The following FSD2 variants were observed in gnomAD, a reference collection of about 807,000 sequenced individuals.
FSD2 encodes the protein fibronectin type III and SPRY domain-containing protein 2.
In FSD2, 71 loss-of-function variants were observed where a neutral mutation model predicts 80.4. The ratio of observed to expected loss-of-function variants is 0.88; its 90% CI spans 0.73 to 1.08. FSD2 has a LOEUF of 1.08. FSD2 is among the 50% of genes least tolerant of loss of function. The pLI, the probability that FSD2 is intolerant of heterozygous loss-of-function variation, is 0.00. For missense variants in FSD2, 923 were observed against 913.8 expected, an observed-to-expected ratio of 1.01 and a Z score of -0.13; for synonymous variants, 361 against 329.5, an observed-to-expected ratio of 1.10 and a Z score of -1.03.
intron 1 of FSD2, among the ~76,000 whole-genome samples, chr15:82,795,692 C>A (rs554200384): frequency 6.6e-6 from 1 of 151,978 alleles, no homozygotes; most frequent in African/African-American, 2.4e-5. Context: ...ATTAGCCAGG[C>A]GTGGTGGCAC....
intron 1 of FSD2, among the ~76,000 whole-genome samples, chr15:82,795,994 T>C (rs1300306954): frequency 7.1e-6 from 1 of 140,884 alleles, no homozygotes; most frequent in Non-Finnish European, 1.5e-5. Context: ...CTTTTCTTTT[T>C]CTTTTCTTTT....
chr15:82,783,594 T>C (rs1256600873), intron 3 of FSD2, among the ~76,000 whole-genome samples: 1 of 152,198 alleles, frequency 6.6e-6, no homozygotes, highest in Non-Finnish European at 1.5e-5. Context: ...TGCAATCCAG[T>C]TCCAGTTTCA....
At position 82,757,273 on chromosome 15, in the gene FSD2, T is replaced by C. The variant is rs948890546; in HGVS notation, c.*2075A>G. ...ACGTGTAGTATTCCATAAAGCCTATTAGAACCCTGAATTCAAACTTGCCTT... is the reference window on the plus strand; with the variant it reads ...ACGTGTAGTATTCCATAAAGCCTATCAGAACCCTGAATTCAAACTTGCCTT... On this transcript the variant is annotated 3_prime_UTR_variant, in exon 13 of 13. Transcript: ENST00000334574. 3.3e-5 allele frequency: 5 copies of C among 152,154 alleles called. No homozygotes were observed. The highest frequency in any genetic ancestry group is 1.2e-4 in the African/African-American group (5 of 41,424). 9.4% of individuals were successfully genotyped at this position (152,154 alleles called of 1,614,324 possible).
intron 1 of FSD2, among the ~76,000 whole-genome samples, chr15:82,802,752 G>T (rs1441907021): frequency 1.3e-5 from 2 of 152,136 alleles, no homozygotes; most frequent in Non-Finnish European, 2.9e-5. Context: ...CAGGTCTCCT[G>T]GTTGCTGCCT....
intron 1 of FSD2, among the ~76,000 whole-genome samples, chr15:82,803,854 T>C (rs1339895361): frequency 6.6e-6 from 1 of 152,184 alleles, no homozygotes; most frequent in Non-Finnish European, 1.5e-5. Flanking sequence ...GTTTGCATTG[T>C]TTCTGCCACA....
intron 1 of FSD2, among the ~76,000 whole-genome samples, chr15:82,799,475 G>A (rs1317036064): frequency 2.0e-5 from 3 of 152,092 alleles, no homozygotes; most frequent in South Asian, 2.1e-4. Context: ...CTATGTCCCC[G>A]TCTTTTCTGA....
rs60095355 is a variant in FSD2 at position 82,764,492 on chromosome 15, C to CTTT, written c.1820+671_1820+673dup. On this transcript the variant is annotated intron_variant, in intron 11 of 12. Transcript: ENST00000334574. The stretch of plus-strand genomic sequence containing the variant: ...CTCTTGTTGCTTCATTCTTTACTTG[C>CTTT]TTTTTTTTTTTTTTTTTTTTGAGAA... 1.3e-3 allele frequency among the ~76,000 whole-genome samples: 113 copies of CTTT among 86,132 alleles called. 9 individuals carry two copies. Among genetic ancestry groups the CTTT allele is most frequent in the African/African-American group, 2.1e-3 (43 of 20,850 alleles). The allele number at this position is 86,132 out of a possible 152,430, so 56.5% of individuals were successfully genotyped here. A position where few individuals can be genotyped will look rare whatever the true frequency, so the allele number is the denominator to read the frequency against.
chr15:82,762,190 C>T lies in FSD2; in HGVS notation c.1909G>A (p.Gly637Ser). The T allele has an allele frequency of 6.2e-7, 1 of 1,613,818 alleles. No individual in the cohort carries two copies. The highest frequency in any genetic ancestry group is 1.1e-5 in the South Asian group (1 of 91,004). The part of the protein sequence containing the change: ...EVDEHLDYRV[G>S]VAFADVRKQE... ...TTACGGACATCTGCAAAGGCCACAC[C>T]AACTCTGTAGTCCAAATGCTCATCC... The change falls in exon 12 of 13, where the codon GGT becomes AGT. Residue 637 changes from glycine (G) to serine (S), a missense_variant. Gly to Ser is a moderately conservative substitution (Grantham distance 56). Coordinates refer to ENST00000334574, the MANE Select transcript of FSD2 (RefSeq NM_001007122.4).
In FSD2 at chr15:82,762,212, A is replaced by T; in HGVS notation, c.1887T>A (p.Asp629Glu). The change falls in exon 12 of 13, where the codon GAT (aspartate) becomes GAA (glutamate). Residue 629 changes from aspartate (D) to glutamate (E), a missense_variant. Physicochemically the swap from Asp to Glu is conservative, Grantham distance 45. Transcript: ENST00000334574. ...CACCAACTCTGTAGTCCAAATGCTC[A>T]TCCACCTCCACCTCCCAGTAATGGT... Reference protein sequence around the residue: ...RGHHYWEVEVDEHLDYRVGVA... With the variant: ...RGHHYWEVEVEEHLDYRVGVA... 2 of 1,613,926 alleles carry T rather than the reference A, an allele frequency of 1.2e-6. No individual in the cohort carries two copies. The highest frequency in any genetic ancestry group is 1.1e-5 in the South Asian group (1 of 91,064).
chr15:82,778,151 T>TATATATAC (rs1292220592), intron 6 of FSD2, among the ~76,000 whole-genome samples: 4 of 138,798 alleles, frequency 2.9e-5, no homozygotes, highest in Non-Finnish European at 6.1e-5. Context: ...TATATATATA[T>TATATATAC]ATATATAATA....
chr15:82,791,895 C>T (rs191926225), intron 1 of FSD2, among the ~76,000 whole-genome samples: 2 of 152,288 alleles, frequency 1.3e-5, no homozygotes, highest in East Asian at 1.9e-4. Flanking sequence ...TCATCCATGT[C>T]GTAGCATGTA....
intron 1 of FSD2, among the ~76,000 whole-genome samples, chr15:82,792,968 T>TTCC (rs1297045449): frequency 6.6e-6 from 1 of 152,230 alleles, no homozygotes; most frequent in Admixed American, 6.5e-5. Flanking sequence ...TTGGGAAGTG[T>TTCC]TCCTATTCTT....
At chr15:82,779,155 C>T (rs958480176) in intron 5 of FSD2, among the ~76,000 whole-genome samples, 15 of 152,134 alleles carry the variant, frequency 9.9e-5, no homozygotes, top group African/African-American at 3.6e-4. Context: ...GATCTGCCAA[C>T]AAGATCCAGA....
intron 1 of FSD2, among the ~76,000 whole-genome samples, chr15:82,794,954 G>A (rs2050229744): frequency 6.6e-6 from 1 of 152,112 alleles, no homozygotes; most frequent in Admixed American, 6.5e-5. Context: ...TCGATCTCCT[G>A]ACCTCGTGAT....
intron 12 of FSD2, among the ~76,000 whole-genome samples, chr15:82,760,150 C>G (rs2049258336): frequency 6.6e-6 from 1 of 152,134 alleles, no homozygotes. Flanking sequence ...AAGAAATTTA[C>G]CTATAGCATC....
chr15:82,788,067 A>G (rs1232811334), intron 1 of FSD2, among the ~76,000 whole-genome samples: 4 of 152,132 alleles, frequency 2.6e-5, no homozygotes, highest in Admixed American at 2.0e-4. Context: ...CGCCCAGTCT[A>G]TTATTTTTAA....
At position 82,787,204 on chromosome 15, in the gene FSD2, C is replaced by T. The variant is rs2050022436; in HGVS notation, c.187G>A (p.Ala63Thr). 2 of 1,613,844 alleles carry T rather than the reference C, an allele frequency of 1.2e-6. No homozygotes were observed. The highest frequency in any genetic ancestry group is 2.2e-5 in the East Asian group (1 of 44,894). ...ACTTCCTCTTGAAGGTCTCTTTGAG[C>T]CTTACCATCCCCTGCTCCTCTTGAC... ...NESRGAGDGK[A>T]QRDLQEEVDE... The change falls in exon 2 of 13, where the codon GCT becomes ACT. Residue 63 changes from alanine to threonine, a missense_variant. Ala to Thr is a moderately conservative substitution (Grantham distance 58). Transcript: ENST00000334574.
Position 82,756,008 on chromosome 15 carries a change from A to C in FSD2, c.*3340T>G, listed in dbSNP as rs778634817. Reference sequence around the variant, plus strand: ...ACTCTGCTTTTAGCCTCCTAAATGAAAAGGTAGATAGAACAGGTCTTGTTT... The same window carrying C: ...ACTCTGCTTTTAGCCTCCTAAATGACAAGGTAGATAGAACAGGTCTTGTTT... On this transcript the variant is annotated 3_prime_UTR_variant, in exon 13 of 13. Transcript: ENST00000334574. 1.9e-6 allele frequency: 1 copy of C among 515,422 alleles called. No individual in the cohort carries two copies. Among genetic ancestry groups the C allele is most frequent in the Non-Finnish European group, 3.9e-6 (1 of 258,200 alleles). 31.9% of individuals were successfully genotyped at this position (515,422 alleles called of 1,614,324 possible).
At chr15:82,775,234 T>C (rs992646182) in intron 6 of FSD2, among the ~76,000 whole-genome samples, 1 of 151,008 alleles carries the variant, frequency 6.6e-6, no homozygotes, top group African/African-American at 2.4e-5. Flanking sequence ...CCGTGTCTAA[T>C]AAAAATATAA....
Sources: gnomAD v4.1 joint callset for allele counts (sites outside exome capture counted in the v4.1 genomes callset) on GRCh38, gnomAD v4.1.1 for gene constraint, MANE v1.5 for transcripts, NCBI Gene and HGNC (gene_info 2026-07-23, HGNC 2026-07-21) for gene names.